The following UGT1A6 variants were observed in gnomAD, a reference collection of about 807,000 sequenced individuals.
The protein encoded by UGT1A6 is UDP glucuronosyltransferase family 1 member A6.
In UGT1A6, 32 loss-of-function variants were observed where a neutral mutation model predicts 44.4. The observed-to-expected ratio is 0.72, with a 90% CI of 0.54 to 0.97. The LOEUF is 0.97. Among genes scored for constraint, UGT1A6 ranks in the 50% least tolerant of loss-of-function variants. The pLI is 0.00. For missense variants in UGT1A6, 685 were observed against 661.9 expected (o/e 1.03, Z -0.38); for synonymous variants, 238 against 248.5 (o/e 0.96, Z 0.40).
intron 1 of UGT1A6, among the ~76,000 whole-genome samples, chr2:233,739,926 A>G (rs1487240865): frequency 2.0e-5 from 3 of 151,650 alleles, no homozygotes; most frequent in Non-Finnish European, 4.4e-5. Context: ...CATAATCCCC[A>G]TGTGTTAAGG....
At chr2:233,756,673 G>C (rs542273174) in intron 1 of UGT1A6, among the ~76,000 whole-genome samples, 32 of 152,264 alleles carry the variant, frequency 2.1e-4, no homozygotes, top group South Asian at 1.0e-3. Context: ...ATTTCCGCTA[G>C]AACTGCTATA....
chr2:233,737,914 TA>T (rs1690631696), intron 1 of UGT1A6, among the ~76,000 whole-genome samples: 4 of 152,128 alleles, frequency 2.6e-5, no homozygotes, highest in African/African-American at 4.8e-5. Flanking sequence ...AAGAACAGGC[TA>T]GTGTATTTAG....
chr2:233,769,633 G>A lies in UGT1A6; in HGVS notation c.1301+1194G>A. ...ACCAGCTTGAGCAAGGGACAACAGG[G>A]GAGGACTGATGACTGACTTCCCACC... On this transcript the variant is annotated intron_variant, in intron 4 of 4. Transcript: ENST00000305139. The surrounding 1 kb of genome is among the most constrained non-coding windows in gnomAD (Gnocchi z 4.4). The A allele has an allele frequency of 1.2e-6, 2 of 1,611,454 alleles. No individual in the cohort carries two copies. Among genetic ancestry groups the A allele is most frequent in the East Asian group, 4.5e-5 (2 of 44,858 alleles).
chr2:233,747,954 C>T (rs1693821442), intron 1 of UGT1A6: 2 of 1,613,446 alleles, frequency 1.2e-6, no homozygotes, highest in Non-Finnish European at 8.5e-7. Flanking sequence ...AGTGGTGGAT[C>T]TTCTCAGCCA....
intron 1 of UGT1A6, chr2:233,742,723 T>C (rs17863795): frequency 0.037 from 5,611 of 152,966 alleles, 153 homozygotes; most frequent in Non-Finnish European, 0.057. Context: ...CTCAGTGATA[T>C]GGGATTCAAA....
At chr2:233,713,117 C>G in intron 1 of UGT1A6, 2 of 1,614,220 alleles carry the variant, frequency 1.2e-6, no homozygotes, top group South Asian at 1.1e-5. Flanking sequence ...GCCACTGGCT[C>G]AGCATGCGGG....
intron 1 of UGT1A6, chr2:233,729,360 A>G (rs17868336): frequency 0.038 from 60,794 of 1,614,118 alleles, 1,450 homozygotes; most frequent in Non-Finnish European, 0.047. Flanking sequence ...TCACCCTGAC[A>G]ACCTATGCCA....
chr2:233,762,475 C>A (rs1173865347), intron 1 of UGT1A6, among the ~76,000 whole-genome samples: 1 of 152,106 alleles, frequency 6.6e-6, no homozygotes, highest in East Asian at 1.9e-4. Flanking sequence ...ATGGATATCA[C>A]TCCAGTTTTA....
chr2:233,729,353 C>G, intron 1 of UGT1A6: 1 of 1,614,162 alleles, frequency 6.2e-7, no homozygotes, highest in South Asian at 1.1e-5. Flanking sequence ...AACTTTTTCA[C>G]CCTGACAACC....
intron 1 of UGT1A6, chr2:233,713,775 G>T: frequency 6.2e-7 from 1 of 1,614,026 alleles, no homozygotes; most frequent in Non-Finnish European, 8.5e-7. Flanking sequence ...AGGGGACTTT[G>T]TGATGGATTA....
At chr2:233,729,220 T>C (rs754967236) in intron 1 of UGT1A6, 8 of 1,613,996 alleles carry the variant, frequency 5.0e-6, no homozygotes, top group Admixed American at 3.3e-5. Context: ...TGGAAAGGTG[T>C]TGGTGGTGCC....
intron 1 of UGT1A6, among the ~76,000 whole-genome samples, chr2:233,753,894 C>T (rs2125923149): frequency 6.6e-6 from 1 of 152,316 alleles, no homozygotes; most frequent in African/African-American, 2.4e-5. Flanking sequence ...TCAGAAGGAA[C>T]ATGCTTCTTA....
At chr2:233,730,084 A>G (rs962499834) in intron 1 of UGT1A6, 3 of 1,600,988 alleles carry the variant, frequency 1.9e-6, no homozygotes, top group African/African-American at 2.7e-5. Context: ...ATATTTACTT[A>G]TCTTTCCAAA....
In UGT1A6 at chr2:233,743,890, G is replaced by A. The variant is rs376911193; in HGVS notation, c.862-23144G>A. On this transcript the variant is annotated intron_variant, in intron 1 of 4. Transcript: ENST00000305139. ...CCTCGGATGAGGCCTGCCGGGGCAC[G>A]TCCAGCACCTCGTAGTAGTCCACCA... 9.6e-5 allele frequency: 131 copies of A among 1,366,674 alleles called. 1 individual carries two copies. The highest frequency in any genetic ancestry group is 6.3e-4 in the Middle Eastern group (3 of 4,786). The allele number at this position is 1,366,674 out of a possible 1,614,324, so 84.7% of individuals were successfully genotyped here. A position where few individuals can be genotyped will look rare whatever the true frequency, so the allele number is the denominator to read the frequency against.
rs149856651 is a variant in UGT1A6 at position 233,729,965 on chromosome 2, A to G, written c.861+36100A>G. 8 of 1,613,950 alleles carry G rather than the reference A, an allele frequency of 5.0e-6. No individual in the cohort carries two copies. In the African/African-American group the frequency reaches 9.3e-5, roughly 19 times the overall value. Reference sequence around the variant, plus strand: ...AACATGGTCTTCATTGGGGGCATCAACTGTGCCAACAGGAAGCCACTATCT... The same window carrying G: ...AACATGGTCTTCATTGGGGGCATCAGCTGTGCCAACAGGAAGCCACTATCT... On this transcript the variant is annotated intron_variant, in intron 1 of 4. Coordinates refer to ENST00000305139, the MANE Select transcript of UGT1A6 (RefSeq NM_001072.4).
Position 233,693,771 on chromosome 2 carries a change from G to T in UGT1A6, c.767G>T (p.Arg256Ile). 1 of 1,614,156 alleles carries T rather than the reference G, an allele frequency of 6.2e-7. No homozygotes were observed. The highest frequency in any genetic ancestry group is 1.6e-4 in the Middle Eastern group (1 of 6,062). Residue 256 changes from arginine (R) to isoleucine (I), a missense_variant, in exon 1 of 5, where the codon AGA becomes ATA. By Grantham distance (97) the Arg-to-Ile change is moderately conservative (BLOSUM62 -3). Coordinates refer to ENST00000305139, the MANE Select transcript of UGT1A6 (RefSeq NM_001072.4). The stretch of plus-strand genomic sequence containing the variant: ...CAGAAGGTCTCTGTTTGGCTGTTAA[G>T]ATATGACTTTGTGCTTGAATATCCT... ...LYQKVSVWLL[R>I]YDFVLEYPRP...
chr2:233,720,322 A>C (rs1355455978), intron 1 of UGT1A6, among the ~76,000 whole-genome samples: 3 of 152,124 alleles, frequency 2.0e-5, no homozygotes, highest in African/African-American at 7.2e-5. Context: ...ATGTGGGGAC[A>C]TCGTAGAGTT....
rs760844779 is a variant in UGT1A6 at position 233,772,567 on chromosome 2, G to A, written c.*8G>A. On this transcript the variant is annotated 3_prime_UTR_variant, in exon 5 of 5. Transcript: ENST00000305139. ...AAATCCAAGACCCATTGAGAAGTGG[G>A]TGGGAAATAAGGTAAAATTTTGAAC... 6.2e-7 allele frequency: 1 copy of A among 1,612,906 alleles called. No individual in the cohort carries two copies.
At chr2:233,767,540 C>G (rs570115667) in intron 2 of UGT1A6, among the ~76,000 whole-genome samples, 2 of 152,230 alleles carry the variant, frequency 1.3e-5, no homozygotes, top group Non-Finnish European at 2.9e-5. Flanking sequence ...CATTTCTGCT[C>G]TTATAGTTCT....
Sources: allele counts gnomAD v4.1 joint callset (sites outside exome capture counted in the v4.1 genomes callset), GRCh38; gene constraint gnomAD v4.1.1; non-coding constraint Gnocchi (gnomAD v3.1); transcripts MANE v1.5; gene names NCBI Gene and HGNC (gene_info 2026-07-23, HGNC 2026-07-21).